Variants in SHMT1 observed in about 807,000 individuals in gnomAD.
SHMT1 encodes serine hydroxymethyltransferase 1.
Under a neutral mutation model 49.0 loss-of-function variants are expected in SHMT1, and 45 were observed. The ratio of observed to expected loss-of-function variants is 0.92; its 90% CI spans 0.72 to 1.18. The LOEUF (loss-of-function observed/expected upper bound fraction) is 1.18. Ranked by LOEUF, SHMT1 falls within the 50% of genes most tolerant of loss-of-function variation. SHMT1 has a pLI of 0.00. For missense variants in SHMT1, 541 were observed against 612.4 expected, an observed-to-expected ratio of 0.88 and a Z score of 1.23; for synonymous variants, 232 against 246.6, an observed-to-expected ratio of 0.94 and a Z score of 0.55.
At chr17:18,357,175 G>A (rs1195519038) in intron 1 of SHMT1, among the ~76,000 whole-genome samples, 1 of 150,306 alleles carries the variant, frequency 6.7e-6, no homozygotes, top group African/African-American at 2.5e-5. Flanking sequence ...CAGCTACTTG[G>A]GAGGCTGAGG....
chr17:18,362,450 A>G (rs934461181), intron 1 of SHMT1, among the ~76,000 whole-genome samples: 1 of 152,044 alleles, frequency 6.6e-6, no homozygotes, highest in Non-Finnish European at 1.5e-5. Flanking sequence ...CCTTCCGAGT[A>G]GCTGGGATTA....
At position 18,340,881 on chromosome 17, in the gene SHMT1, T is replaced by G. The variant is rs190413220; in HGVS notation, c.520-68A>C. The G allele has an allele frequency of 2.7e-5, 30 of 1,115,164 alleles. 1 individual carries two copies. The highest frequency in any genetic ancestry group is 2.5e-4 in the Middle Eastern group (1 of 4,072). 69.1% of individuals were successfully genotyped at this position (1,115,164 alleles called of 1,614,324 possible). ...CCACACCTGCCTCCTGTCCTCCCAC[T>G]TGAACTGGCTCCACCCACCATGACA... On this transcript the variant is annotated intron_variant, in intron 5 of 11. Transcript: ENST00000316694. The surrounding 1 kb of genome is among the most constrained non-coding windows in gnomAD (Gnocchi z 4.5).
At chr17:18,345,617 C>T (rs138485599) in intron 5 of SHMT1, among the ~76,000 whole-genome samples, 154 of 150,256 alleles carry the variant, frequency 1.0e-3, no homozygotes, top group African/African-American at 3.5e-3. Context: ...CCTCATGATC[C>T]GCCTGCCTCA....
Position 18,328,589 on chromosome 17 carries a change from A to G in SHMT1, c.*161T>C, listed in dbSNP as rs1982807602. The G allele has an allele frequency of 2.8e-6, 2 of 715,938 alleles. No individual in the cohort carries two copies. The allele number at this position is 715,938 out of a possible 1,614,324, so 44.3% of individuals were successfully genotyped here. A position where few individuals can be genotyped will look rare whatever the true frequency, so the allele number is the denominator to read the frequency against. On this transcript the variant is annotated 3_prime_UTR_variant, in exon 12 of 12. Transcript: ENST00000316694. ...AACAATGAGACTTAAACAAATTTTG[A>G]TTTGTGAAGAAAACATGAAAAAAGT...
chr17:18,343,748 T>C (rs994635448), intron 5 of SHMT1, among the ~76,000 whole-genome samples: 1 of 149,888 alleles, frequency 6.7e-6, no homozygotes, highest in African/African-American at 2.5e-5. Flanking sequence ...GGCAAAACCT[T>C]GTCTCCACAA....
Position 18,353,712 on chromosome 17 carries a change from A to G in SHMT1, c.202T>C (p.Cys68Arg), listed in dbSNP as rs759414144. ...CCCTCAGAGTATTTGTTATTTAAGC[A>G]AGAGCCTAGGGCCTCCAAAACTGCT... ...SRAVLEALGS[C>R]LNNKYSEGYP... Residue 68 changes from cysteine (C) to arginine (R), a missense_variant, in exon 3 of 12, where the codon TGC becomes CGC. By Grantham distance (180) the Cys-to-Arg change is radical. Transcript: ENST00000316694. 1 of 1,614,060 alleles carries G rather than the reference A, an allele frequency of 6.2e-7. No homozygotes were observed. Among genetic ancestry groups the G allele is most frequent in the African/African-American group, 1.3e-5 (1 of 74,928 alleles).
At chr17:18,338,014 C>T (rs1480709959) in intron 7 of SHMT1, among the ~76,000 whole-genome samples, 2 of 148,800 alleles carry the variant, frequency 1.3e-5, no homozygotes, top group African/African-American at 2.5e-5. Context: ...AAGTGAGGAG[C>T]GTCTCTGCCT....
chr17:18,337,635 T>C (rs1035708719), intron 7 of SHMT1, among the ~76,000 whole-genome samples: 8 of 143,494 alleles, frequency 5.6e-5, no homozygotes, highest in African/African-American at 1.8e-4. Context: ...GAAGCTGGAC[T>C]GTACTGCCGC....
intron 3 of SHMT1, among the ~76,000 whole-genome samples, chr17:18,350,038 T>TA (rs897581439): frequency 1.4e-4 from 20 of 143,876 alleles, no homozygotes; most frequent in African/African-American, 5.2e-4. Context: ...TAAAAATAGA[T>TA]AAAAAATAGG....
At position 18,328,814 on chromosome 17, in the gene SHMT1, G is replaced by C; in HGVS notation, c.1388C>G (p.Ala463Gly). 1 of 1,611,624 alleles carries C rather than the reference G, an allele frequency of 6.2e-7. No individual in the cohort carries two copies. Among genetic ancestry groups the C allele is most frequent in the Non-Finnish European group, 8.5e-7 (1 of 1,179,296 alleles). Residue 463 changes from alanine to glycine, a missense_variant, in exon 12 of 12, where the codon GCT (alanine) becomes GGT (glycine). Ala to Gly is a moderately conservative substitution (Grantham distance 60, BLOSUM62 0). Coordinates refer to ENST00000316694, the MANE Select transcript of SHMT1 (RefSeq NM_004169.5). Reference protein sequence around the residue: ...AGDKYQAAVQALREEVESFAS... With the variant: ...AGDKYQAAVQGLREEVESFAS... ...GAAGCTCTCAACCTCCTCCCGGAGA[G>C]CCTGCACGGCCGCCTGGTACTTATC...
At chr17:18,330,441 TAC>T (rs1482009835) in intron 10 of SHMT1, 112 bp downstream of exon 10, 4 of 864,852 alleles carry the variant, frequency 4.6e-6, no homozygotes, top group African/African-American at 1.6e-5. Context: ...CAGCCCCCAC[TAC>T]AGTTTTTATG....
intron 11 of SHMT1, 53 bp from the exon 12 acceptor site, chr17:18,328,972 C>T (rs1047421108): frequency 6.2e-7 from 1 of 1,606,976 alleles, no homozygotes; most frequent in Non-Finnish European, 8.5e-7. Context: ...AAAGGGGGTA[C>T]AATGGCTGGG....
chr17:18,337,890 C>T (rs1983997599), intron 7 of SHMT1, among the ~76,000 whole-genome samples: 1 of 152,184 alleles, frequency 6.6e-6, no homozygotes. Flanking sequence ...GTTGCCCAGG[C>T]TGGAGTGCAG....
chr17:18,337,806 G>A (rs1348760416), intron 7 of SHMT1, among the ~76,000 whole-genome samples: 15 of 152,230 alleles, frequency 9.9e-5, no homozygotes, highest in East Asian at 5.8e-4. Flanking sequence ...GCTCCTAACC[G>A]CGAGTCATCT....
chr17:18,349,496 A>C (rs1218276831), intron 3 of SHMT1, among the ~76,000 whole-genome samples: 1 of 152,140 alleles, frequency 6.6e-6, no homozygotes, highest in Non-Finnish European at 1.5e-5. Flanking sequence ...AGGTGGGAGA[A>C]CTGCTTGAGG....
chr17:18,329,424 T>C (rs764417275), intron 10 of SHMT1, 36 bp from the exon 11 acceptor site: 5 of 1,475,612 alleles, frequency 3.4e-6, no homozygotes, highest in Admixed American at 3.4e-5. Context: ...CTAAGTCACA[T>C]TGTCACCACT....
chr17:18,337,861 C>T (rs1370113186), intron 7 of SHMT1, among the ~76,000 whole-genome samples: 2 of 152,220 alleles, frequency 1.3e-5, no homozygotes, highest in Non-Finnish European at 2.9e-5. Flanking sequence ...GACGGAGTCT[C>T]GTTCACTCAG....
At chr17:18,333,605 ACAGGCACATGCCACCATGT>A (rs1432595985) in intron 8 of SHMT1, among the ~76,000 whole-genome samples, 3 of 151,700 alleles carry the variant, frequency 2.0e-5, no homozygotes, top group Non-Finnish European at 4.4e-5. Flanking sequence ...AGCTGGGACT[ACAGGCACATGCCACCATGT>A]CCAGCTAATT....
At position 18,330,589 on chromosome 17, in the gene SHMT1, G is replaced by C. The variant is rs1313172699; in HGVS notation, c.1137C>G (p.Ala379=). 6.2e-7 allele frequency: 1 copy of C among 1,614,014 alleles called. No individual in the cohort carries two copies. The highest frequency in any genetic ancestry group is 8.5e-7 in the Non-Finnish European group (1 of 1,179,852). ...TGTTCTTGTTGCAGGCAATAGAACA[G>C]GCTTCTAGCACCTTCTCAGCCCTTC... ...DGGRAEKVLE[A]CSIACNKNTC... is the part of the protein sequence containing the mutation. Residue 379 remains alanine, a synonymous_variant, in exon 10 of 12, where the codon GCC becomes GCG. Transcript: ENST00000316694.
Sources: allele counts gnomAD v4.1 joint callset (sites outside exome capture counted in the v4.1 genomes callset), GRCh38; gene constraint gnomAD v4.1.1; non-coding constraint Gnocchi (gnomAD v3.1); transcripts MANE v1.5; gene names NCBI Gene and HGNC (gene_info 2026-07-23, HGNC 2026-07-21).